The following ASCC3 variants were observed in gnomAD, a reference collection of about 807,000 sequenced individuals.
ASCC3 encodes the protein activating signal cointegrator 1 complex subunit 3, also known as ASC-1 complex subunit P200.
In ASCC3, 158 loss-of-function variants were observed where a neutral mutation model predicts 256.3. The ratio of observed to expected loss-of-function variants is 0.62; its 90% CI spans 0.54 to 0.70. The LOEUF is 0.70. Among genes scored for constraint, ASCC3 ranks in the 30% least tolerant of loss-of-function variants. The pLI, the probability that ASCC3 is intolerant of heterozygous loss-of-function variation, is 0.00. For missense variants in ASCC3, 2,259 were observed against 2,626.0 expected (o/e 0.86, Z 3.05); for synonymous variants, 948 against 883.4 (o/e 1.07, Z -1.30).
At chr6:100,556,112 G>A (rs1267310788) in intron 36 of ASCC3, among the ~76,000 whole-genome samples, 1 of 152,158 alleles carries the variant, frequency 6.6e-6, no homozygotes, top group Admixed American at 6.6e-5. Context: ...TACTGGGTAT[G>A]AGAATATATC....
At chr6:100,766,995 T>TTA (rs1479352154) in intron 9 of ASCC3, 150 bp downstream of exon 9, 3 of 872,056 alleles carry the variant, frequency 3.4e-6, no homozygotes, top group Non-Finnish European at 5.4e-6. Flanking sequence ...AAGAACTGCC[T>TTA]TAATAGTAAT....
intron 13 of ASCC3, among the ~76,000 whole-genome samples, chr6:100,700,731 T>G (rs984414106): frequency 6.6e-6 from 1 of 152,240 alleles, no homozygotes; most frequent in Non-Finnish European, 1.5e-5. Flanking sequence ...CACTGGATTT[T>G]GGACTTGTAT....
chr6:100,588,489 A>G (rs1163955669), intron 36 of ASCC3, among the ~76,000 whole-genome samples: 1 of 152,164 alleles, frequency 6.6e-6, no homozygotes, highest in Admixed American at 6.5e-5. Context: ...GATCTAAAAA[A>G]TTCTTTATAT....
At chr6:100,865,044 T>A (rs1467458432) in intron 2 of ASCC3, among the ~76,000 whole-genome samples, 1 of 152,208 alleles carries the variant, frequency 6.6e-6, no homozygotes, top group Admixed American at 6.5e-5. Context: ...TGAAAATACA[T>A]AATTCACCAT....
At chr6:100,527,114 G>A (rs1283344714) in intron 37 of ASCC3, among the ~76,000 whole-genome samples, 4 of 152,016 alleles carry the variant, frequency 2.6e-5, no homozygotes, top group Non-Finnish European at 4.4e-5. Flanking sequence ...CTTAACAGTC[G>A]GTGTTGTTAT....
At chr6:100,851,943 C>T (rs1221788668) in intron 3 of ASCC3, among the ~76,000 whole-genome samples, 2 of 152,126 alleles carry the variant, frequency 1.3e-5, no homozygotes, top group Non-Finnish European at 2.9e-5. Flanking sequence ...AAGGGGCAAC[C>T]ACCCCGGCTT....
intron 4 of ASCC3, among the ~76,000 whole-genome samples, chr6:100,833,377 G>C (rs1771713819): frequency 6.6e-6 from 1 of 152,126 alleles, no homozygotes; most frequent in Non-Finnish European, 1.5e-5. Flanking sequence ...TGTGATGGTA[G>C]ATACATACCA....
intron 10 of ASCC3, among the ~76,000 whole-genome samples, chr6:100,727,165 G>A (rs1367365212): frequency 6.6e-6 from 1 of 151,768 alleles, no homozygotes; most frequent in Non-Finnish European, 1.5e-5. Flanking sequence ...TTTATCCTAG[G>A]TAAAGTGTAT....
In ASCC3 at chr6:100,518,011, G is replaced by T. The variant is rs765358416; in HGVS notation, c.5907C>A (p.Asn1969Lys). 1.2e-5 allele frequency: 20 copies of T among 1,613,348 alleles called. No individual in the cohort carries two copies. The highest frequency in any genetic ancestry group is 1.7e-5 in the Non-Finnish European group (20 of 1,179,494). Residue 1969 changes from asparagine to lysine, a missense_variant, in exon 38 of 42, where the codon AAC becomes AAA. This residue lies in a region of ASCC3 where 1,839 missense variants were observed against 2,206.7 expected (regional missense o/e 0.83). Transcript: ENST00000369162. ...SSLLTLPNIE[N>K]HHLHLFKKWK... Reference sequence around the variant, plus strand: ...ATTACTTGAAAAGGTGAAGATGATGGTTTTCTATGTTTGGTAGTGTAAGAA... The same window carrying T: ...ATTACTTGAAAAGGTGAAGATGATGTTTTTCTATGTTTGGTAGTGTAAGAA...
At chr6:100,750,084 GA>G (rs1294642770) in intron 10 of ASCC3, among the ~76,000 whole-genome samples, 3 of 151,694 alleles carry the variant, frequency 2.0e-5, no homozygotes, top group Non-Finnish European at 4.4e-5. Flanking sequence ...AAACTGCCTG[GA>G]AAATTGACCA....
chr6:100,763,510 T>G (rs1447191937), intron 10 of ASCC3, among the ~76,000 whole-genome samples: 1 of 152,068 alleles, frequency 6.6e-6, no homozygotes, highest in South Asian at 2.1e-4. Flanking sequence ...GGCTCAAAAC[T>G]TCTTGGAAGG....
At chr6:100,818,553 G>T (rs1268614072) in intron 4 of ASCC3, among the ~76,000 whole-genome samples, 9 of 140,960 alleles carry the variant, frequency 6.4e-5, no homozygotes, top group Non-Finnish European at 1.2e-4. Context: ...TGGATGACAG[G>T]GCAAGACTCC....
chr6:100,611,693 G>A (rs923330327), intron 30 of ASCC3, among the ~76,000 whole-genome samples: 2 of 151,798 alleles, frequency 1.3e-5, no homozygotes, highest in Non-Finnish European at 2.9e-5. Flanking sequence ...CTTAGCCCTG[G>A]TTCCATGAGA....
In ASCC3 at chr6:100,725,637, A is replaced by G. The variant is rs1779583661; in HGVS notation, c.1804T>C (p.Ser602Pro). 6.2e-7 allele frequency: 1 copy of G among 1,612,678 alleles called. No individual in the cohort carries two copies. Among genetic ancestry groups the G allele is most frequent in the Admixed American group, 1.7e-5 (1 of 59,826 alleles). Residue 602 changes from serine to proline, a missense_variant, in exon 11 of 42, where the codon TCC (serine) becomes CCC (proline). By Grantham distance (74) the Ser-to-Pro change is moderately conservative (BLOSUM62 -1). This residue lies in a region of ASCC3 where 1,839 missense variants were observed against 2,206.7 expected (regional missense o/e 0.83). Transcript: ENST00000369162. ...TRKSVGDVAL[S>P]QIVRLLILDE... ...AGAATAAGGAGCCTTACAATCTGGG[A>G]AAGAGCTACATCCCCAACACTCTTT...
At chr6:100,735,022 A>G (rs1333577832) in intron 10 of ASCC3, among the ~76,000 whole-genome samples, 1 of 152,182 alleles carries the variant, frequency 6.6e-6, no homozygotes, top group African/African-American at 2.4e-5. Flanking sequence ...AAACAACCTA[A>G]AATCAATAAA....
intron 34 of ASCC3, among the ~76,000 whole-genome samples, chr6:100,596,141 AT>A (rs1057257364): frequency 2.0e-5 from 3 of 152,020 alleles, no homozygotes; most frequent in Non-Finnish European, 4.4e-5. Context: ...AAGCAGTTAA[AT>A]TTTTTTGCCA....
At chr6:100,594,067 GA>G (rs1198145304) in intron 34 of ASCC3, among the ~76,000 whole-genome samples, 3 of 152,026 alleles carry the variant, frequency 2.0e-5, no homozygotes, top group African/African-American at 7.2e-5. Context: ...ACCAACTCAG[GA>G]ACAGTGGTTG....
chr6:100,614,565 C>G (rs1773565218), intron 30 of ASCC3, among the ~76,000 whole-genome samples: 1 of 152,086 alleles, frequency 6.6e-6, no homozygotes, highest in South Asian at 2.1e-4. Context: ...TTAATCCTAC[C>G]AAGGCCACAT....
At chr6:100,577,503 C>T (rs569681783) in intron 36 of ASCC3, among the ~76,000 whole-genome samples, 3 of 152,100 alleles carry the variant, frequency 2.0e-5, no homozygotes, top group Admixed American at 1.3e-4. Flanking sequence ...CTGAGGCCAC[C>T]GGAAATGTAT....
Sources: allele counts gnomAD v4.1 joint callset (sites outside exome capture counted in the v4.1 genomes callset), GRCh38; gene constraint gnomAD v4.1.1; regional missense constraint gnomAD v4.1.1; transcripts MANE v1.5; gene names NCBI Gene and HGNC (gene_info 2026-07-23, HGNC 2026-07-21).